The following ZC3H3 variants were observed in gnomAD, a reference collection of about 807,000 sequenced individuals.
ZC3H3 encodes the protein zinc finger CCCH-type containing 3.
ZC3H3 carries 36 observed loss-of-function variants against 77.3 expected under a neutral mutation model. That is an observed-to-expected ratio of 0.47 (90% CI 0.36 to 0.61). ZC3H3 has a LOEUF of 0.61. ZC3H3 is among the 20% of genes least tolerant of loss of function. ZC3H3 has a pLI of 0.00. For synonymous variants in ZC3H3, 626 were observed against 555.2 expected (o/e 1.13, Z -1.79); for missense variants, 1,331 against 1,312.2 (o/e 1.01, Z -0.22).
chr8:143,457,302 G>A (rs1820147710), intron 9 of ZC3H3, among the ~76,000 whole-genome samples: 1 of 152,090 alleles, frequency 6.6e-6, no homozygotes, highest in African/African-American at 2.4e-5. Context: ...CAAAACACTT[G>A]GAAACTAAAT....
At chr8:143,440,870 G>T in intron 10 of ZC3H3, 66 bp downstream of exon 10, 2 of 1,332,430 alleles carry the variant, frequency 1.5e-6, no homozygotes, top group East Asian at 2.9e-5. Context: ...AGAGGGCCCC[G>T]GGCATCTCCC....
intron 3 of ZC3H3, among the ~76,000 whole-genome samples, chr8:143,522,372 G>A (rs954157157): frequency 6.7e-6 from 1 of 149,924 alleles, no homozygotes; most frequent in African/African-American, 2.5e-5. Context: ...CGAGGCCAAG[G>A]CCGGAGGATT....
rs1279085848 is a variant in ZC3H3, at chr8:143,530,206, C to A, written c.1561+6051G>T. ...ACGCAAGCCAGGCCCTTTCTGTCCA[C>A]CACAGGTGTGCCCAGGACCTGCCAG... On this transcript the variant is annotated intron_variant, in intron 3 of 11. Coordinates refer to ENST00000262577, the MANE Select transcript of ZC3H3 (RefSeq NM_015117.3). The surrounding 1 kb of genome is among the most constrained non-coding windows in gnomAD (Gnocchi z 4.3). Among the ~76,000 whole-genome samples the A allele has an allele frequency of 6.6e-6, 1 of 152,144 alleles. No homozygotes were observed. The highest frequency in any genetic ancestry group is 2.4e-5 in the African/African-American group (1 of 41,436).
chr8:143,475,654 G>C (rs1244980622), intron 4 of ZC3H3, 69 bp from the exon 5 acceptor site: 21 of 1,477,110 alleles, frequency 1.4e-5, no homozygotes, highest in Admixed American at 2.3e-5. Flanking sequence ...GTCAGTGCCA[G>C]GGGCCGAGCC....
At chr8:143,475,910 C>A (rs1387773800) in intron 4 of ZC3H3, among the ~76,000 whole-genome samples, 2 of 152,208 alleles carry the variant, frequency 1.3e-5, no homozygotes, top group Non-Finnish European at 2.9e-5. Context: ...GGTGAGAGGG[C>A]AGCGTCGTCC....
At chr8:143,486,595 G>C (rs1821059522) in intron 4 of ZC3H3, among the ~76,000 whole-genome samples, 1 of 152,128 alleles carries the variant, frequency 6.6e-6, no homozygotes. Flanking sequence ...ACTTGGTGGG[G>C]GACACAATTC....
intron 3 of ZC3H3, among the ~76,000 whole-genome samples, chr8:143,524,564 C>G (rs905914202): frequency 1.3e-5 from 2 of 152,256 alleles, no homozygotes; most frequent in African/African-American, 4.8e-5. Context: ...TAGCAGCAGG[C>G]AAGTCGCACA....
At chr8:143,463,044 C>T (rs1189247763) in intron 9 of ZC3H3, among the ~76,000 whole-genome samples, 4 of 150,498 alleles carry the variant, frequency 2.7e-5, no homozygotes, top group South Asian at 2.1e-4. Context: ...AGTGCAGTGG[C>T]GCAATCTCAG....
rs114431843 is a variant in ZC3H3 at position 143,500,169 on chromosome 8, C to T, written c.1715+7577G>A. On this transcript the variant is annotated intron_variant, in intron 4 of 11. Coordinates refer to ENST00000262577, the MANE Select transcript of ZC3H3 (RefSeq NM_015117.3). The stretch of plus-strand genomic sequence containing the variant: ...CATCCTGGGTGGGCCTCAGCACATC[C>T]GGCAGCAGCCACCCACAGAACTATC... Among the ~76,000 whole-genome samples, 9 of 152,360 alleles carry T rather than the reference C, an allele frequency of 5.9e-5. No individual in the cohort carries two copies. In the East Asian group the frequency reaches 9.6e-4, roughly 16 times the overall value.
Position 143,507,858 on chromosome 8 carries a change from C to A in ZC3H3, c.1603G>T (p.Val535Leu), listed in dbSNP as rs1301131755. 6.2e-7 allele frequency: 1 copy of A among 1,609,762 alleles called. No individual in the cohort carries two copies. The highest frequency in any genetic ancestry group is 1.1e-5 in the South Asian group (1 of 90,752). Residue 535 changes from valine to leucine, a missense_variant, in exon 4 of 12, where the codon GTG (valine) becomes TTG (leucine). Coordinates refer to ENST00000262577, the MANE Select transcript of ZC3H3 (RefSeq NM_015117.3). ...HAVRTAPTSK[V>L]IKTRYRIVKK... is the part of the protein sequence containing the mutation. ...ACAATGCGGTAGCGGGTCTTGATCA[C>A]CTTGCTGGTGGGTGCAGTCCGCACG...
In ZC3H3 at chr8:143,538,978, G is replaced by A. The variant is rs781432177; in HGVS notation, c.389C>T (p.Pro130Leu). 5 of 1,613,084 alleles carry A rather than the reference G, an allele frequency of 3.1e-6. No individual in the cohort carries two copies. The highest frequency in any genetic ancestry group is 4.2e-6 in the Non-Finnish European group (5 of 1,180,032). Reference sequence around the variant, plus strand: ...GGCACTGGCAGAGCCAGACTTTGATGGCGGTTTAACTTTGATGACCACGTT... The same window carrying A: ...GGCACTGGCAGAGCCAGACTTTGATAGCGGTTTAACTTTGATGACCACGTT... Reference protein sequence around the residue: ...GQNVVIKVKPPSKSGSASASG... With the variant: ...GQNVVIKVKPLSKSGSASASG... The change falls in exon 2 of 12, where the codon CCA becomes CTA. Residue 130 changes from proline (P) to leucine (L), a missense_variant. By Grantham distance (98) the Pro-to-Leu change is moderately conservative. This residue lies in a region of ZC3H3 where 978 missense variants were observed against 915.5 expected (regional missense o/e 1.07). Coordinates refer to ENST00000262577, the MANE Select transcript of ZC3H3 (RefSeq NM_015117.3).
Position 143,465,752 on chromosome 8 carries a change from C to T in ZC3H3, c.2272G>A (p.Asp758Asn), listed in dbSNP as rs751558380. ...YVSRKAEVCS[D>N]FLKGYCPLGA... is the part of the protein sequence containing the mutation. The stretch of plus-strand genomic sequence containing the variant: ...AGGGGGCAGTAGCCTTTGAGGAAGT[C>T]GCTGCAGACCTCGGCCTTGCGGGAC... Residue 758 changes from aspartate to asparagine, a missense_variant, in exon 9 of 12, where the codon GAC becomes AAC. By Grantham distance (23) the Asp-to-Asn change is conservative (BLOSUM62 1). Coordinates refer to ENST00000262577, the MANE Select transcript of ZC3H3 (RefSeq NM_015117.3). The T allele has an allele frequency of 5.0e-6, 8 of 1,613,804 alleles. No homozygotes were observed. In the Admixed American group the frequency reaches 8.3e-5, roughly 17 times the overall value.
At position 143,474,570 on chromosome 8, in the gene ZC3H3, G is replaced by A. The variant is rs749403423; in HGVS notation, c.1903+828C>T. 4.7e-5 allele frequency among the ~76,000 whole-genome samples: 7 copies of A among 149,424 alleles called. No homozygotes were observed. The East Asian group carries it at 5.8e-4, about 12-fold the overall frequency. On this transcript the variant is annotated intron_variant, in intron 5 of 11. Transcript: ENST00000262577. ...GTGAGGCTGGCTTCCAGGGAGGTAC[G>A]CTTCCTGCCTCTCCTCTGACCCCCG...
At chr8:143,499,218 G>A (rs1298982056) in intron 4 of ZC3H3, among the ~76,000 whole-genome samples, 3 of 152,238 alleles carry the variant, frequency 2.0e-5, no homozygotes, top group African/African-American at 2.4e-5. Flanking sequence ...GGCCGTCAGG[G>A]AAGCCCAGGA....
At chr8:143,474,720 C>CT (rs1231559986) in intron 5 of ZC3H3, among the ~76,000 whole-genome samples, 1 of 151,614 alleles carries the variant, frequency 6.6e-6, no homozygotes, top group African/African-American at 2.4e-5. Context: ...CAATCTCCCT[C>CT]TTTTTTTTTG....
intron 5 of ZC3H3, among the ~76,000 whole-genome samples, chr8:143,473,481 A>G (rs1475775776): frequency 6.6e-6 from 1 of 152,152 alleles, no homozygotes; most frequent in Non-Finnish European, 1.5e-5. Context: ...TGGGAGATGC[A>G]GGGCACCCTC....
chr8:143,498,137 G>C (rs940111959), intron 4 of ZC3H3, among the ~76,000 whole-genome samples: 1 of 152,210 alleles, frequency 6.6e-6, no homozygotes, highest in Admixed American at 6.5e-5. Flanking sequence ...GCTGTGTCAC[G>C]CAGCCTGCTA....
intron 8 of ZC3H3, 23 bp downstream of exon 8, chr8:143,468,186 A>T: frequency 6.2e-7 from 1 of 1,603,050 alleles, no homozygotes; most frequent in Non-Finnish European, 8.5e-7. Context: ...GCACGGGAGC[A>T]GGGCCACCAG....
At chr8:143,511,461 AG>A (rs1434340717) in intron 3 of ZC3H3, among the ~76,000 whole-genome samples, 1 of 152,234 alleles carries the variant, frequency 6.6e-6, no homozygotes, top group Non-Finnish European at 1.5e-5. Context: ...TTAATGAATA[AG>A]AAGATGAAAC....
Sources: gnomAD v4.1 joint callset for allele counts (sites outside exome capture counted in the v4.1 genomes callset) on GRCh38, gnomAD v4.1.1 for gene constraint, gnomAD v4.1.1 regional missense constraint, Gnocchi (gnomAD v3.1) non-coding constraint, MANE v1.5 for transcripts, NCBI Gene and HGNC (gene_info 2026-07-23, HGNC 2026-07-21) for gene names.